Variants in STIM1 observed in about 807,000 individuals in gnomAD.
The protein encoded by STIM1 is stromal interaction molecule 1.
A neutral mutation model predicts 74.7 loss-of-function variants in STIM1; 25 were observed. That is an observed-to-expected ratio of 0.33 (90% CI 0.24 to 0.47). The LOEUF is 0.47. Ranked by LOEUF, STIM1 falls within the 20% of genes least tolerant of loss-of-function variation. The pLI, the probability that STIM1 is intolerant of heterozygous loss-of-function variation, is 1.00. For missense variants in STIM1, 728 were observed against 920.8 expected (o/e 0.79, Z 2.71); for synonymous variants, 328 against 348.8 (o/e 0.94, Z 0.66).
At chr11:4,007,357 T>C (rs2093792646) in intron 2 of STIM1, among the ~76,000 whole-genome samples, 1 of 152,238 alleles carries the variant, frequency 6.6e-6, no homozygotes, top group African/African-American at 2.4e-5. Flanking sequence ...TTATCACCTT[T>C]CGTTACTTTT....
intron 1 of STIM1, among the ~76,000 whole-genome samples, chr11:3,943,613 T>G (rs1392405680): frequency 6.6e-6 from 1 of 152,132 alleles, no homozygotes; most frequent in African/African-American, 2.4e-5. Context: ...AAAAAAAACA[T>G]CTTCTAGGTC....
chr11:3,901,101 G>T (rs2092336682), intron 1 of STIM1, among the ~76,000 whole-genome samples: 1 of 152,180 alleles, frequency 6.6e-6, no homozygotes, highest in South Asian at 2.1e-4. Flanking sequence ...TGAGGCAGGA[G>T]AATTGCTTGA....
At chr11:4,079,393 G>A (rs1230929510) in intron 7 of STIM1, among the ~76,000 whole-genome samples, 1 of 151,834 alleles carries the variant, frequency 6.6e-6, no homozygotes, top group Non-Finnish European at 1.5e-5. Flanking sequence ...GGCCAACGTA[G>A]TGAAACCCCG....
intron 4 of STIM1, among the ~76,000 whole-genome samples, chr11:4,057,818 T>C (rs1402521530): frequency 6.8e-6 from 1 of 147,546 alleles, no homozygotes; most frequent in African/African-American, 2.5e-5. Flanking sequence ...TGCAGTGAGC[T>C]GAGATCGCGC....
At chr11:4,050,395 G>A (rs1481860823) in intron 3 of STIM1, among the ~76,000 whole-genome samples, 5 of 152,172 alleles carry the variant, frequency 3.3e-5, no homozygotes, top group Non-Finnish European at 4.4e-5. Context: ...CAGATAGATC[G>A]TAATAGGTGA....
intron 2 of STIM1, chr11:3,974,228 C>G (rs1405230462): frequency 2.4e-6 from 1 of 416,166 alleles, no homozygotes; most frequent in African/African-American, 2.0e-5. Flanking sequence ...GAGACTCTGT[C>G]TTAGACATGA....
intron 2 of STIM1, among the ~76,000 whole-genome samples, chr11:3,982,918 TTCTATC>T (rs1409992657): frequency 9.9e-5 from 15 of 152,082 alleles, no homozygotes; most frequent in African/African-American, 3.6e-4. Flanking sequence ...TCATGTTGAT[TTCTATC>T]TCCATTTTTA....
intron 1 of STIM1, among the ~76,000 whole-genome samples, chr11:3,894,624 G>A (rs2092000187): frequency 6.6e-6 from 1 of 152,114 alleles, no homozygotes; most frequent in Admixed American, 6.5e-5. Context: ...AGTCACATCC[G>A]ACATGTTCCA....
At chr11:4,062,271 A>C (rs1279525842) in intron 5 of STIM1, among the ~76,000 whole-genome samples, 1 of 152,230 alleles carries the variant, frequency 6.6e-6, no homozygotes, top group Non-Finnish European at 1.5e-5. Flanking sequence ...CAACCCACAA[A>C]GTGGAGAAAG....
At position 3,947,100 on chromosome 11, in the gene STIM1, GTT is replaced by G. The variant is rs57701004; in HGVS notation, c.140-20438_140-20437del. On this transcript the variant is annotated intron_variant, in intron 1 of 12. Transcript: ENST00000526596. Reference sequence around the variant, plus strand: ...TGAATATTTTCTCCTCATTCTTAGTGTTTTTTTTTTTTTTTCTTTCTGCCTTG... The same window carrying G: ...TGAATATTTTCTCCTCATTCTTAGTGTTTTTTTTTTTTTCTTTCTGCCTTG... Among the ~76,000 whole-genome samples, 5 of 139,378 alleles carry G rather than the reference GTT, an allele frequency of 3.6e-5. No individual in the cohort carries two copies. The South Asian group carries it at 9.0e-4, about 25-fold the overall frequency. 91.4% of individuals were successfully genotyped at this position (139,378 alleles called of 152,430 possible).
At chr11:3,870,694 C>G (rs1419754298) in intron 1 of STIM1, among the ~76,000 whole-genome samples, 2 of 151,798 alleles carry the variant, frequency 1.3e-5, no homozygotes, top group African/African-American at 4.8e-5. Flanking sequence ...ATGGGGGTCT[C>G]ACCATGTTGC....
At chr11:3,890,257 A>G (rs188684496) in intron 1 of STIM1, among the ~76,000 whole-genome samples, 6 of 152,334 alleles carry the variant, frequency 3.9e-5, no homozygotes, top group African/African-American at 1.4e-4. Context: ...GGCCAGTCCA[A>G]GTGGTGATCT....
intron 1 of STIM1, among the ~76,000 whole-genome samples, chr11:3,922,149 A>T (rs952150750): frequency 6.6e-6 from 1 of 152,124 alleles, no homozygotes; most frequent in African/African-American, 2.4e-5. Flanking sequence ...GAATATGAGA[A>T]TTCTAGTTGT....
intron 1 of STIM1, chr11:3,892,735 G>C: frequency 4.3e-6 from 7 of 1,613,190 alleles, no homozygotes; most frequent in Non-Finnish European, 5.9e-6. Flanking sequence ...TGTGAAAGCA[G>C]GAACCCTTAT....
chr11:4,067,113 T>C (rs1256818356), intron 5 of STIM1, among the ~76,000 whole-genome samples: 1 of 152,206 alleles, frequency 6.6e-6, no homozygotes, highest in African/African-American at 2.4e-5. Context: ...AGTGCTGTCA[T>C]TTACACCTAC....
intron 1 of STIM1, among the ~76,000 whole-genome samples, chr11:3,929,127 A>G (rs946762121): frequency 1.3e-5 from 2 of 152,232 alleles, no homozygotes; most frequent in African/African-American, 4.8e-5. Context: ...CTGGGATTAC[A>G]GGCATACATC....
At chr11:3,897,663 G>A (rs544512747) in intron 1 of STIM1, among the ~76,000 whole-genome samples, 17 of 138,412 alleles carry the variant, frequency 1.2e-4, no homozygotes, top group South Asian at 2.6e-4. Context: ...CCCTCCCCCC[G>A]CCACGCCCAC....
At chr11:3,869,068 A>G (rs1012192581) in intron 1 of STIM1, among the ~76,000 whole-genome samples, 7 of 151,872 alleles carry the variant, frequency 4.6e-5, no homozygotes, top group Non-Finnish European at 7.4e-5. Context: ...TCCCGGGTTC[A>G]TGCCATTCTC....
chr11:3,924,767 G>T (rs554137634), intron 1 of STIM1, among the ~76,000 whole-genome samples: 2 of 151,772 alleles, frequency 1.3e-5, no homozygotes, highest in African/African-American at 2.4e-5. Context: ...CTACTTTTTC[G>T]TGGTTACACT....
Sources: gnomAD v4.1 joint callset for allele counts (sites outside exome capture counted in the v4.1 genomes callset) on GRCh38, gnomAD v4.1.1 for gene constraint, MANE v1.5 for transcripts, NCBI Gene and HGNC (gene_info 2026-07-23, HGNC 2026-07-21) for gene names.